The following EP400 variants were observed in gnomAD, a reference collection of about 807,000 sequenced individuals.
EP400 encodes the protein E1A-binding protein p400.
A neutral mutation model predicts 354.1 loss-of-function variants in EP400; 105 were observed. The ratio of observed to expected loss-of-function variants is 0.30; its 90% CI spans 0.25 to 0.35. The LOEUF is 0.35. Among genes scored for constraint, EP400 ranks in the 10% least tolerant of loss-of-function variants. The probability of loss-of-function intolerance (pLI) is 1.00; values close to 1 mark genes in which losing one functional copy is unlikely to be tolerated. For missense variants in EP400, 3,280 were observed against 4,121.0 expected, an observed-to-expected ratio of 0.80 and a Z score of 5.59; for synonymous variants, 1,646 against 1,716.9, an observed-to-expected ratio of 0.96 and a Z score of 1.02.
chr12:131,985,442 A>C (rs936676588), intron 5 of EP400, among the ~76,000 whole-genome samples: 1 of 147,224 alleles, frequency 6.8e-6, no homozygotes, highest in South Asian at 2.1e-4. Context: ...ACGGGCGCTC[A>C]GAGAGAGTGT....
chr12:132,062,649 A>C lies in EP400; in HGVS notation c.8282A>C (p.Gln2761Pro), dbSNP rs1435739289. 6.2e-7 allele frequency: 1 copy of C among 1,614,148 alleles called. No homozygotes were observed. The highest frequency in any genetic ancestry group is 8.5e-7 in the Non-Finnish European group (1 of 1,180,004). The change falls in exon 47 of 53, where the codon CAG becomes CCG. Residue 2761 changes from glutamine to proline, a missense_variant. Gln to Pro is a moderately conservative substitution (Grantham distance 76, BLOSUM62 -1). Transcript: ENST00000389561. ...TCTCAGGTGCAAGTTCCACAGATCCAGGGCCAGGCCCAGTCCCCAGCACAG... is the reference window on the plus strand; with the variant it reads ...TCTCAGGTGCAAGTTCCACAGATCCCGGGCCAGGCCCAGTCCCCAGCACAG... Reference protein sequence around the residue: ...TTSQVQVPQIQGQAQSPAQIK... With the variant: ...TTSQVQVPQIPGQAQSPAQIK...
At chr12:132,021,357 C>T in intron 23 of EP400, 36 bp downstream of exon 23, 1 of 1,480,610 alleles carries the variant, frequency 6.8e-7, no homozygotes, top group Non-Finnish European at 8.9e-7. Context: ...TCTGCCATCT[C>T]TCTACCCCAG....
chr12:132,029,416 C>G lies in EP400; in HGVS notation c.5382-285C>G. On this transcript the variant is annotated intron_variant, in intron 27 of 52. Coordinates refer to ENST00000389561, the MANE Select transcript of EP400 (RefSeq NM_015409.5). The surrounding 1 kb of genome is among the most constrained non-coding windows in gnomAD (Gnocchi z 4.7). ...ACACTAGAAAGAGAATGGCTTATCT[C>G]TGACCTGGTGCCTGCGGCCTAGGGA... is the stretch of plus-strand genomic sequence containing the variant. 2.0e-6 allele frequency: 1 copy of G among 510,800 alleles called. No individual in the cohort carries two copies. The highest frequency in any genetic ancestry group is 3.5e-6 in the Non-Finnish European group (1 of 286,194). The allele number at this position is 510,800 out of a possible 1,614,324, so 31.6% of individuals were successfully genotyped here.
At chr12:132,041,413 G>T (rs1394139646) in intron 32 of EP400, among the ~76,000 whole-genome samples, 3 of 152,262 alleles carry the variant, frequency 2.0e-5, no homozygotes, top group East Asian at 1.9e-4. Context: ...TCCCCCAGCG[G>T]TGCTGCCTCT....
rs74718962 is a variant in EP400 at position 132,020,518 on chromosome 12, T to G, written c.4447+300T>G. 8.5e-5 allele frequency among the ~76,000 whole-genome samples: 13 copies of G among 152,356 alleles called. No homozygotes were observed. The East Asian group carries it at 2.5e-3, about 29-fold the overall frequency. ...ACAGAGGTGCGTGCGTGCAGTCGTCTAGGAGACTCCTGAGAACGTCTGCTC... is the reference window on the plus strand; with the variant it reads ...ACAGAGGTGCGTGCGTGCAGTCGTCGAGGAGACTCCTGAGAACGTCTGCTC... On this transcript the variant is annotated intron_variant, in intron 22 of 52. Transcript: ENST00000389561.
intron 2 of EP400, 117 bp downstream of exon 2, chr12:131,962,071 T>G: frequency 7.5e-7 from 1 of 1,335,610 alleles, no homozygotes; most frequent in South Asian, 1.5e-5. Flanking sequence ...ATTTCTAAGG[T>G]GTTGGGGCAA....
chr12:132,074,269 G>A (rs953266073), intron 51 of EP400, among the ~76,000 whole-genome samples: 2 of 152,134 alleles, frequency 1.3e-5, no homozygotes, highest in African/African-American at 4.8e-5. Context: ...TCCTCACTGT[G>A]GCTGCTTTTG....
rs1163493620 is a variant in EP400, at chr12:132,017,682, A to G, written c.4071A>G (p.Ala1357=). 14 of 1,569,270 alleles carry G rather than the reference A, an allele frequency of 8.9e-6. No homozygotes were observed. The highest frequency in any genetic ancestry group is 1.2e-5 in the Non-Finnish European group (14 of 1,156,804). ...YVAGPLEYPS[A]SLILKALERD... is the part of the protein sequence containing the mutation. ...CGGGGCCACTGGAGTATCCGTCCGC[A>G]TCTCTAATCCTGAAGGCACTGGAGA... The change falls in exon 20 of 53, where the codon GCA becomes GCG. Residue 1357 remains alanine (A), a synonymous_variant. Transcript: ENST00000389561. This position sits in a 1 kb window ranked among gnomAD's most constrained non-coding sequence, Gnocchi z 5.0.
chr12:132,022,590 G>A (rs993193089), intron 23 of EP400, among the ~76,000 whole-genome samples: 10 of 151,744 alleles, frequency 6.6e-5, no homozygotes, highest in Non-Finnish European at 1.3e-4. Flanking sequence ...ACCTTTTTGA[G>A]TTGGGGGCAA....
chr12:132,073,920 T>TTG (rs1491548837), intron 51 of EP400, among the ~76,000 whole-genome samples: 3 of 53,748 alleles, frequency 5.6e-5, no homozygotes, highest in Admixed American at 3.0e-4. Flanking sequence ...TTTTTTGGGG[T>TTG]TTTTTTTTTT....
In EP400 at chr12:132,018,483, C is replaced by T; in HGVS notation, c.4277+107C>T. ...AAGGCTGCTAATGTAGTTAGGTTAT[C>T]TGCTGCTCTTGGGACCTTGCTGGTG... On this transcript the variant is annotated intron_variant, in intron 21 of 52. Coordinates refer to ENST00000389561, the MANE Select transcript of EP400 (RefSeq NM_015409.5). This position sits in a 1 kb window ranked among gnomAD's most constrained non-coding sequence, Gnocchi z 4.0. 7.0e-7 allele frequency: 1 copy of T among 1,437,966 alleles called. No individual in the cohort carries two copies. The highest frequency in any genetic ancestry group is 1.5e-5 in the South Asian group (1 of 68,696). 89.1% of individuals were successfully genotyped at this position (1,437,966 alleles called of 1,614,324 possible).
Position 132,050,352 on chromosome 12 carries a change from C to T in EP400, c.7230C>T (p.Ser2410=). 2.5e-6 allele frequency: 4 copies of T among 1,614,146 alleles called. No homozygotes were observed. Among genetic ancestry groups the T allele is most frequent in the Non-Finnish European group, 3.4e-6 (4 of 1,180,028 alleles). ...KSKNNRPLRT[S]QIYAQDENAT... ...AAAACAACCGTCCTCTCCGTACGAGCCAGATCTATGCCCAGGATGAGAATG... is the reference window on the plus strand; with the variant it reads ...AAAACAACCGTCCTCTCCGTACGAGTCAGATCTATGCCCAGGATGAGAATG... Residue 2410 remains serine (S), a synonymous_variant, in exon 40 of 53, where the codon AGC becomes AGT. Coordinates refer to ENST00000389561, the MANE Select transcript of EP400 (RefSeq NM_015409.5). The surrounding 1 kb of genome is among the most constrained non-coding windows in gnomAD (Gnocchi z 4.8).
intron 35 of EP400, 62 bp downstream of exon 35, chr12:132,044,373 T>C (rs938563324): frequency 4.5e-6 from 7 of 1,560,436 alleles, no homozygotes; most frequent in Non-Finnish European, 6.1e-6. Context: ...TGTGCAGCCA[T>C]GTTTGGCTTG....
At position 132,077,554 on chromosome 12, in the gene EP400, G is replaced by C. The variant is rs752334163; in HGVS notation, c.9253G>C (p.Gly3085Arg). ...GGCGTCGGCCCCGCTCCAGACTCCA[G>C]GCGCTCCCAACCCAGCCCAGGTGCC... Reference protein sequence around the residue: ...TTASAPLQTPGAPNPAQVPAS... With the variant: ...TTASAPLQTPRAPNPAQVPAS... The change falls in exon 53 of 53, where the codon GGC (glycine) becomes CGC (arginine). Residue 3085 changes from glycine to arginine, a missense_variant. Physicochemically the swap from Gly to Arg is moderately radical, Grantham distance 125. Transcript: ENST00000389561. 1 of 1,613,790 alleles carries C rather than the reference G, an allele frequency of 6.2e-7. No homozygotes were observed. Among genetic ancestry groups the C allele is most frequent in the African/African-American group, 1.3e-5 (1 of 74,926 alleles).
At chr12:132,019,452 C>T (rs1489957915) in intron 21 of EP400, among the ~76,000 whole-genome samples, 1 of 152,108 alleles carries the variant, frequency 6.6e-6, no homozygotes, top group Non-Finnish European at 1.5e-5. Flanking sequence ...GCCTGTAATC[C>T]CAGTGCTTTG....
In EP400 at chr12:132,037,707, G is replaced by T; in HGVS notation, c.5977G>T (p.Glu1993Ter). The T allele has an allele frequency of 6.2e-7, 1 of 1,614,216 alleles. No individual in the cohort carries two copies. The highest frequency in any genetic ancestry group is 8.5e-7 in the Non-Finnish European group (1 of 1,180,026). ...GCTTGTGAGTGGCAATTCCATTGAA[G>T]AGAAATTGTTGAAAAATGGAACTAA... ...YRLVSGNSIE[E>*]KLLKNGTKDL... Residue 1993 changes from glutamate (E) to a stop codon, truncating the protein, a stop_gained, in exon 31 of 53, where the codon GAG (glutamate) becomes TAG (stop). Transcript: ENST00000389561. LOFTEE classifies it high-confidence loss of function.
In EP400 at chr12:131,961,036, C is replaced by G. The variant is rs1474288182; in HGVS notation, c.417C>G (p.Pro139=). Residue 139 remains proline, a synonymous_variant, in exon 2 of 53, where the codon CCC becomes CCG. Coordinates refer to ENST00000389561, the MANE Select transcript of EP400 (RefSeq NM_015409.5). The stretch of plus-strand genomic sequence containing the variant: ...TCCAGACCCAGAGTCCCACGCAGCC[C>G]AGTCCGGGGCCGGGGCAGGCCTTGC... ...QQVQTQSPTQ[P]SPGPGQALQN... is the part of the protein sequence containing the mutation. 1 of 1,590,486 alleles carries G rather than the reference C, an allele frequency of 6.3e-7. No individual in the cohort carries two copies. Among genetic ancestry groups the G allele is most frequent in the South Asian group, 1.1e-5 (1 of 88,662 alleles).
At position 132,044,946 on chromosome 12, in the gene EP400, C is replaced by A. The variant is rs764467218; in HGVS notation, c.6777C>A (p.Asp2259Glu). Residue 2259 changes from aspartate to glutamate, a missense_variant, in exon 37 of 53, where the codon GAC (aspartate) becomes GAA (glutamate). Asp to Glu is a conservative substitution (Grantham distance 45, BLOSUM62 2). This residue lies in a region of EP400 where 231 missense variants were observed against 257.9 expected (regional missense o/e 0.90). Coordinates refer to ENST00000389561, the MANE Select transcript of EP400 (RefSeq NM_015409.5). ...AGGAGCGGAAGCGACACAAAACAGACCCCTCAGGTGCGCATCCCGAGGGCG... is the reference window on the plus strand; with the variant it reads ...AGGAGCGGAAGCGACACAAAACAGAACCCTCAGGTGCGCATCCCGAGGGCG... ...VRKERKRHKT[D>E]PSAAGRKKKQ... 3.1e-6 allele frequency: 5 copies of A among 1,614,082 alleles called. No individual in the cohort carries two copies. The highest frequency in any genetic ancestry group is 3.4e-6 in the Non-Finnish European group (4 of 1,180,026).
Position 131,986,697 on chromosome 12 carries a change from C to T in EP400, c.2113C>T (p.Arg705Trp), listed in dbSNP as rs779657584. The change falls in exon 6 of 53, where the codon CGG becomes TGG. Residue 705 changes from arginine (R) to tryptophan (W), a missense_variant. Around this residue, in one of 20 missense-constraint regions of EP400, gnomAD observed 800 missense variants for 840.0 expected, o/e 0.95. Transcript: ENST00000389561. ...TAAGGCACTATCTCCAGTCACTTCC[C>T]GGACCCCAGGGGTGGTGGCATCTGC... Reference protein sequence around the residue: ...TNKALSPVTSRTPGVVASAPT... With the variant: ...TNKALSPVTSWTPGVVASAPT... 25 of 1,614,060 alleles carry T rather than the reference C, an allele frequency of 1.5e-5. No homozygotes were observed. Among genetic ancestry groups the T allele is most frequent in the African/African-American group, 6.7e-5 (5 of 74,916 alleles).
Sources: allele counts gnomAD v4.1 joint callset (sites outside exome capture counted in the v4.1 genomes callset), GRCh38; gene constraint gnomAD v4.1.1; regional missense constraint gnomAD v4.1.1; non-coding constraint Gnocchi (gnomAD v3.1); transcripts MANE v1.5; gene names NCBI Gene and HGNC (gene_info 2026-07-23, HGNC 2026-07-21).